CAMTA1: variants seen among roughly 807,000 people sequenced by gnomAD.
CAMTA1 encodes the protein calmodulin-binding transcription activator 1.
CAMTA1 carries 27 observed loss-of-function variants against 170.9 expected under a neutral mutation model. That is an observed-to-expected ratio of 0.16 (90% confidence interval 0.12 to 0.22). The LOEUF is 0.22. CAMTA1 is among the 10% of genes least tolerant of loss of function. The probability of loss-of-function intolerance (pLI) is 1.00; values close to 1 mark genes in which losing one functional copy is unlikely to be tolerated. For missense variants in CAMTA1, 1,619 were observed against 2,217.2 expected, an observed-to-expected ratio of 0.73 and a Z score of 5.42; for synonymous variants, 833 against 891.5, an observed-to-expected ratio of 0.93 and a Z score of 1.17.
rs2096188928 is a variant in CAMTA1 at position 7,680,834 on chromosome 1, C to T, written c.2914+3101C>T. ...CGGGGGGGGGCGTGGGTCCGGGGCG[C>T]AGAGAACACGCGCGCGCGCGCGCGC... On this transcript the variant is annotated intron_variant, in intron 11 of 22. Coordinates refer to ENST00000303635, the MANE Select transcript of CAMTA1 (RefSeq NM_015215.4). This position sits in a 1 kb window ranked among gnomAD's most constrained non-coding sequence, Gnocchi z 4.4. Among the ~76,000 whole-genome samples the T allele has an allele frequency of 7.5e-6, 1 of 133,826 alleles. No individual in the cohort carries two copies. The allele number at this position is 133,826 out of a possible 152,430, so 87.8% of individuals were successfully genotyped here. A position where few individuals can be genotyped will look rare whatever the true frequency, so the allele number is the denominator to read the frequency against.
chr1:7,667,367 G>A (rs974046582), intron 9 of CAMTA1, among the ~76,000 whole-genome samples: 2 of 152,146 alleles, frequency 1.3e-5, no homozygotes, highest in African/African-American at 4.8e-5. Flanking sequence ...GCGGGGGGAC[G>A]GTCAGAGCTG....
At chr1:7,420,358 T>C (rs1192384044) in intron 5 of CAMTA1, among the ~76,000 whole-genome samples, 1 of 152,156 alleles carries the variant, frequency 6.6e-6, no homozygotes, top group East Asian at 1.9e-4. Flanking sequence ...CCATTGCTTT[T>C]CTTACCATGT....
intron 7 of CAMTA1, among the ~76,000 whole-genome samples, chr1:7,654,067 G>A (rs1046001461): frequency 6.6e-6 from 1 of 152,074 alleles, no homozygotes; most frequent in African/African-American, 2.4e-5. Flanking sequence ...GGGCTGTGCT[G>A]GAAAGAAGGG....
At chr1:7,179,019 G>A (rs1222019449) in intron 4 of CAMTA1, among the ~76,000 whole-genome samples, 1 of 152,180 alleles carries the variant, frequency 6.6e-6, no homozygotes, top group Admixed American at 6.5e-5. Flanking sequence ...CACAATTGGT[G>A]CCCTAAGTGA....
chr1:7,284,782 C>G (rs1486139581), intron 5 of CAMTA1, among the ~76,000 whole-genome samples: 1 of 152,252 alleles, frequency 6.6e-6, no homozygotes, highest in Non-Finnish European at 1.5e-5. Flanking sequence ...CTCGCTTTAC[C>G]TCCTTCTTGC....
intron 4 of CAMTA1, among the ~76,000 whole-genome samples, chr1:7,245,227 C>CACAT (rs887745792): frequency 6.6e-5 from 10 of 150,808 alleles, no homozygotes; most frequent in South Asian, 2.1e-4. Context: ...CACACACACA[C>CACAT]ACATACATAC....
intron 3 of CAMTA1, among the ~76,000 whole-genome samples, chr1:7,069,031 C>A (rs778460911): frequency 6.6e-6 from 1 of 152,192 alleles, no homozygotes; most frequent in Admixed American, 6.5e-5. Context: ...GCAGAGCTGG[C>A]GAGCAGGAAA....
chr1:6,949,590 T>C (rs1260370668), intron 3 of CAMTA1, among the ~76,000 whole-genome samples: 1 of 152,180 alleles, frequency 6.6e-6, no homozygotes, highest in African/African-American at 2.4e-5. Context: ...CCAATCCCCC[T>C]TCAGACCTTA....
chr1:7,568,154 C>CGT (rs1557930479), intron 6 of CAMTA1, among the ~76,000 whole-genome samples: 37 of 152,082 alleles, frequency 2.4e-4, no homozygotes, highest in African/African-American at 8.9e-4. Context: ...CCATCATCAT[C>CGT]CTTATCATCA....
At chr1:7,047,843 C>T (rs1705659807) in intron 3 of CAMTA1, among the ~76,000 whole-genome samples, 2 of 151,716 alleles carry the variant, frequency 1.3e-5, no homozygotes, top group African/African-American at 4.8e-5. Flanking sequence ...GCCTGGATGT[C>T]ATCCACCCAG....
At chr1:6,959,286 T>C (rs1355239225) in intron 3 of CAMTA1, among the ~76,000 whole-genome samples, 1 of 152,064 alleles carries the variant, frequency 6.6e-6, no homozygotes, top group Non-Finnish European at 1.5e-5. Flanking sequence ...GAAGAAGAGA[T>C]GGATGTGTGC....
chr1:7,731,285 A>G (rs1279119969), intron 11 of CAMTA1, among the ~76,000 whole-genome samples: 1 of 152,132 alleles, frequency 6.6e-6, no homozygotes, highest in Non-Finnish European at 1.5e-5. Context: ...GGTTAAAAGA[A>G]ATGTGGGGCT....
At chr1:7,512,681 T>A (rs1225077916) in intron 6 of CAMTA1, among the ~76,000 whole-genome samples, 3 of 152,128 alleles carry the variant, frequency 2.0e-5, no homozygotes, top group Non-Finnish European at 2.9e-5. Context: ...CAGAGCAAGT[T>A]ACATAGCAAA....
chr1:7,330,128 A>C (rs888808011), intron 5 of CAMTA1, among the ~76,000 whole-genome samples: 1 of 152,146 alleles, frequency 6.6e-6, no homozygotes, highest in African/African-American at 2.4e-5. Flanking sequence ...ACTACCAGGA[A>C]GGGAGGGAGA....
At chr1:7,670,289 C>A (rs2096047375) in intron 9 of CAMTA1, among the ~76,000 whole-genome samples, 1 of 152,196 alleles carries the variant, frequency 6.6e-6, no homozygotes, top group African/African-American at 2.4e-5. Flanking sequence ...ACTCAGCTCC[C>A]AGGGCAGTCT....
chr1:7,453,933 CG>C (rs1360618919), intron 5 of CAMTA1, among the ~76,000 whole-genome samples: 7 of 152,194 alleles, frequency 4.6e-5, no homozygotes, highest in African/African-American at 1.4e-4. Context: ...CTGCAGCAGG[CG>C]TGTTGGGTTA....
At chr1:7,735,050 C>A (rs1054849285) in intron 12 of CAMTA1, among the ~76,000 whole-genome samples, 4 of 152,260 alleles carry the variant, frequency 2.6e-5, no homozygotes, top group Non-Finnish European at 4.4e-5. Flanking sequence ...TTCCTATAGC[C>A]CTTATTGTTA....
Position 7,328,148 on chromosome 1 carries a change from A to G in CAMTA1, c.438+78522A>G, listed in dbSNP as rs1204333459. Among the ~76,000 whole-genome samples the G allele has an allele frequency of 2.6e-5, 4 of 152,036 alleles. No homozygotes were observed. In the East Asian group the frequency reaches 7.7e-4, roughly 29 times the overall value. ...TTTGTTTTTGCTTTTCCTGACTGGG[A>G]TTCACTGGGCTTCCTTCTCGAATTT... On this transcript the variant is annotated intron_variant, in intron 5 of 22. Coordinates refer to ENST00000303635, the MANE Select transcript of CAMTA1 (RefSeq NM_015215.4).
intron 1 of CAMTA1, among the ~76,000 whole-genome samples, chr1:6,806,538 T>G (rs1644527768): frequency 6.6e-6 from 1 of 152,204 alleles, no homozygotes; most frequent in Admixed American, 6.5e-5. Context: ...AAACACAAAA[T>G]TTTGTTTTAA....
Sources: gnomAD v4.1 joint callset for allele counts (sites outside exome capture counted in the v4.1 genomes callset) on GRCh38, gnomAD v4.1.1 for gene constraint, Gnocchi (gnomAD v3.1) non-coding constraint, MANE v1.5 for transcripts, NCBI Gene and HGNC (gene_info 2026-07-23, HGNC 2026-07-21) for gene names.